The following ERBB4 variants were observed in gnomAD, a reference collection of about 807,000 sequenced individuals.
The protein encoded by ERBB4 is erb-b2 receptor tyrosine kinase 4.
In ERBB4, 42 loss-of-function variants were observed where a neutral mutation model predicts 158.0. The ratio of observed to expected loss-of-function variants is 0.27; its 90% confidence interval spans 0.21 to 0.34. The LOEUF (loss-of-function observed/expected upper bound fraction) is 0.34. Among genes scored for constraint, ERBB4 ranks in the 10% least tolerant of loss-of-function variants. ERBB4 has a pLI of 1.00. For synonymous variants in ERBB4, 583 were observed against 558.7 expected (o/e 1.04, Z -0.61); for missense variants, 1,333 against 1,624.1 (o/e 0.82, Z 3.08).
intron 16 of ERBB4, among the ~76,000 whole-genome samples, chr2:211,647,532 G>A (rs1437213947): frequency 1.3e-5 from 2 of 151,562 alleles, no homozygotes. Context: ...AGAAATCTCA[G>A]TTAATGTTAC....
In ERBB4 at chr2:211,386,999, C is replaced by A. The variant is rs770460785; in HGVS notation, c.3335G>T (p.Arg1112Leu). 2 of 1,614,012 alleles carry A rather than the reference C, an allele frequency of 1.2e-6. No individual in the cohort carries two copies. Among genetic ancestry groups the A allele is most frequent in the Non-Finnish European group, 1.7e-6 (2 of 1,180,000 alleles). ...FDDSCCNGTLRKPVAPHVQED... is the reference protein window; with the variant it reads ...FDDSCCNGTLLKPVAPHVQED... ...TTGGACATGGGGTGCCACTGGCTTG[C>A]GTAGGGTGCCATTACAGCAGGAGTC... is the stretch of plus-strand genomic sequence containing the variant. The change falls in exon 27 of 28, where the codon CGC (arginine) becomes CTC (leucine). Residue 1112 changes from arginine to leucine, a missense_variant. Coordinates refer to ENST00000342788, the MANE Select transcript of ERBB4 (RefSeq NM_005235.3).
intron 1 of ERBB4, among the ~76,000 whole-genome samples, chr2:212,431,526 G>A (rs1392006235): frequency 2.0e-5 from 3 of 151,982 alleles, no homozygotes; most frequent in Non-Finnish European, 4.4e-5. Flanking sequence ...TCTGTTCAGA[G>A]TATTCTTAAC....
intron 20 of ERBB4, among the ~76,000 whole-genome samples, chr2:211,522,081 T>A (rs186559356): frequency 6.6e-6 from 1 of 152,288 alleles, no homozygotes; most frequent in Non-Finnish European, 1.5e-5. Flanking sequence ...AGTCTTATTA[T>A]TTAAGAAATG....
At chr2:212,108,460 G>A (rs2079296775) in intron 2 of ERBB4, among the ~76,000 whole-genome samples, 1 of 152,160 alleles carries the variant, frequency 6.6e-6, no homozygotes, top group African/African-American at 2.4e-5. Flanking sequence ...AAGATCAAAG[G>A]AATGCAGTTT....
chr2:212,155,968 C>T (rs565429447), intron 1 of ERBB4, among the ~76,000 whole-genome samples: 4 of 151,926 alleles, frequency 2.6e-5, no homozygotes, highest in African/African-American at 4.8e-5. Context: ...AACTGGCTTC[C>T]TTTGTAATCT....
intron 1 of ERBB4, among the ~76,000 whole-genome samples, chr2:212,307,947 G>C (rs1324227029): frequency 2.0e-5 from 3 of 150,664 alleles, no homozygotes; most frequent in Admixed American, 1.3e-4. Context: ...CGGAATACTA[G>C]ATTGAAGTCC....
intron 4 of ERBB4, among the ~76,000 whole-genome samples, chr2:211,780,235 G>A (rs2076001870): frequency 6.6e-6 from 1 of 152,014 alleles, no homozygotes; most frequent in Non-Finnish European, 1.5e-5. Context: ...GTAGTGGCAT[G>A]CATCTGTGGT....
At chr2:212,489,334 G>C (rs1690148464) in intron 1 of ERBB4, among the ~76,000 whole-genome samples, 1 of 151,826 alleles carries the variant, frequency 6.6e-6, no homozygotes. Context: ...AACAAGGCTT[G>C]AGGCTCAATT....
At chr2:211,497,396 T>C (rs947329550) in intron 20 of ERBB4, among the ~76,000 whole-genome samples, 4 of 152,106 alleles carry the variant, frequency 2.6e-5, no homozygotes, top group Non-Finnish European at 5.9e-5. Flanking sequence ...GAATAAACAC[T>C]ATAGTCCCAG....
At chr2:212,336,404 A>C (rs930773177) in intron 1 of ERBB4, among the ~76,000 whole-genome samples, 1 of 151,902 alleles carries the variant, frequency 6.6e-6, no homozygotes, top group South Asian at 2.1e-4. Context: ...CATTTACATG[A>C]GTTCTATATT....
chr2:212,111,911 T>C (rs992562982), intron 2 of ERBB4, among the ~76,000 whole-genome samples: 1 of 152,146 alleles, frequency 6.6e-6, no homozygotes, highest in African/African-American at 2.4e-5. Context: ...TTGGGCTAGG[T>C]ACTGTCAACT....
At chr2:212,399,286 T>C (rs1203208373) in intron 1 of ERBB4, among the ~76,000 whole-genome samples, 2 of 151,970 alleles carry the variant, frequency 1.3e-5, no homozygotes, top group Admixed American at 1.3e-4. Context: ...TCTATATTAT[T>C]TACCAATCCT....
chr2:212,314,702 G>A (rs919460819), intron 1 of ERBB4, among the ~76,000 whole-genome samples: 6 of 150,864 alleles, frequency 4.0e-5, no homozygotes, highest in Admixed American at 2.6e-4. Flanking sequence ...GAAATTAAAG[G>A]AAAATATCAA....
chr2:211,553,699 T>C (rs1188821226), intron 20 of ERBB4, among the ~76,000 whole-genome samples: 2 of 152,170 alleles, frequency 1.3e-5, no homozygotes, highest in Non-Finnish European at 2.9e-5. Context: ...ATCCCCCTTT[T>C]CAAGAGCACA....
In ERBB4 at chr2:211,711,986, T is replaced by C. The variant is rs2073718939; in HGVS notation, c.1124+64A>G. On this transcript the variant is annotated intron_variant, in intron 9 of 27. Transcript: ENST00000342788. The stretch of plus-strand genomic sequence containing the variant: ...TCCAGAGGAATCAAATAAACAAAAC[T>C]AAAGAATCTCTTCAGTTTTGTCTAC... The C allele has an allele frequency of 2.1e-6, 3 of 1,424,816 alleles. No individual in the cohort carries two copies. The African/African-American group carries it at 4.2e-5, about 20-fold the overall frequency. 88.3% of individuals were successfully genotyped at this position (1,424,816 alleles called of 1,614,324 possible).
chr2:212,068,321 G>C (rs762229859), intron 2 of ERBB4, among the ~76,000 whole-genome samples: 2 of 151,934 alleles, frequency 1.3e-5, no homozygotes, highest in Non-Finnish European at 2.9e-5. Context: ...AAAAAGAAGG[G>C]AATTGTTAAA....
At chr2:211,578,223 A>T (rs138555303) in intron 19 of ERBB4, among the ~76,000 whole-genome samples, 2,723 of 152,256 alleles carry the variant, frequency 0.018, 72 homozygotes, top group African/African-American at 0.061. Flanking sequence ...ACAGAATAAA[A>T]TATGTAGGAA....
intron 1 of ERBB4, among the ~76,000 whole-genome samples, chr2:212,481,347 A>G (rs1689687067): frequency 6.6e-6 from 1 of 152,178 alleles, no homozygotes; most frequent in African/African-American, 2.4e-5. Context: ...CAATTTGCTC[A>G]TTATTTTATT....
intron 1 of ERBB4, among the ~76,000 whole-genome samples, chr2:212,346,531 G>C (rs2089009338): frequency 6.6e-6 from 1 of 151,978 alleles, no homozygotes. Flanking sequence ...AACATGAAAT[G>C]TTTTAAATGT....
Sources: allele counts gnomAD v4.1 joint callset (sites outside exome capture counted in the v4.1 genomes callset), GRCh38; gene constraint gnomAD v4.1.1; transcripts MANE v1.5; gene names NCBI Gene and HGNC (gene_info 2026-07-23, HGNC 2026-07-21).